KLF12: variants seen among roughly 807,000 people sequenced by gnomAD.
KLF12 encodes KLF transcription factor 12, also known as Krueppel-like factor 12.
KLF12 carries 9 observed loss-of-function variants against 37.8 expected under a neutral mutation model. That is an observed-to-expected ratio of 0.24 (90% CI 0.14 to 0.42). The LOEUF is 0.42. Among genes scored for constraint, KLF12 ranks in the 10% least tolerant of loss-of-function variants. The probability of loss-of-function intolerance (pLI) is 1.00; values close to 1 mark genes in which losing one functional copy is unlikely to be tolerated. For synonymous variants in KLF12, 208 were observed against 202.1 expected (o/e 1.03, Z -0.25); for missense variants, 411 against 516.0 (o/e 0.80, Z 1.97).
intron 2 of KLF12, among the ~76,000 whole-genome samples, chr13:73,982,781 A>G (rs1201840359): frequency 2.0e-5 from 3 of 152,156 alleles, no homozygotes; most frequent in Non-Finnish European, 2.9e-5. Context: ...TTTTTCTCAT[A>G]GTTAAGTCCT....
intron 4 of KLF12, among the ~76,000 whole-genome samples, chr13:73,816,352 T>C (rs183831739): frequency 2.0e-3 from 303 of 152,314 alleles, no homozygotes; most frequent in African/African-American, 5.6e-3. Flanking sequence ...GAACAGGAGA[T>C]GATCTATAAA....
intron 1 of KLF12, among the ~76,000 whole-genome samples, chr13:74,127,751 T>A (rs994279084): frequency 6.6e-6 from 1 of 152,242 alleles, no homozygotes; most frequent in African/African-American, 2.4e-5. Flanking sequence ...ATCCTCATTA[T>A]CTACCTTTAT....
chr13:74,100,071 A>G (rs1876236700), intron 1 of KLF12, among the ~76,000 whole-genome samples: 1 of 152,130 alleles, frequency 6.6e-6, no homozygotes, highest in South Asian at 2.1e-4. Flanking sequence ...GCATGGAGGC[A>G]CGCTGGCAGC....
intron 1 of KLF12, among the ~76,000 whole-genome samples, chr13:74,065,820 G>C (rs558911802): frequency 1.6e-4 from 24 of 152,022 alleles, no homozygotes; most frequent in African/African-American, 5.5e-4. Context: ...GGCTCTGAAC[G>C]ATCTCTCTAG....
chr13:73,718,761 G>C (rs909879731), intron 6 of KLF12, among the ~76,000 whole-genome samples: 1 of 152,184 alleles, frequency 6.6e-6, no homozygotes, highest in Admixed American at 6.5e-5. Flanking sequence ...GGGCGTGGTG[G>C]CATGTGCCTG....
intron 3 of KLF12, among the ~76,000 whole-genome samples, chr13:73,928,740 A>T (rs1179418508): frequency 2.0e-5 from 3 of 152,202 alleles, no homozygotes; most frequent in Non-Finnish European, 4.4e-5. Context: ...GCCACTTTGT[A>T]TCACAAAAAA....
chr13:73,806,969 C>T (rs1158569858), intron 5 of KLF12, among the ~76,000 whole-genome samples: 1 of 151,908 alleles, frequency 6.6e-6, no homozygotes, highest in South Asian at 2.1e-4. Context: ...AAAAAAAAAC[C>T]CTTAGATTCT....
chr13:74,157,714 G>C, the KLF12 span, among the ~76,000 whole-genome samples: 1 of 152,356 alleles, frequency 6.6e-6, no homozygotes, highest in East Asian at 1.9e-4. Context: ...AAATGCTGAA[G>C]AGAGAATGTT....
At chr13:73,851,641 C>A (rs1269402746) in intron 3 of KLF12, among the ~76,000 whole-genome samples, 1 of 152,108 alleles carries the variant, frequency 6.6e-6, no homozygotes, top group Admixed American at 6.5e-5. Context: ...CATTCTTTAG[C>A]AGTCTTATTA....
chr13:74,022,681 A>T (rs1301226826), intron 1 of KLF12, among the ~76,000 whole-genome samples: 3 of 152,024 alleles, frequency 2.0e-5, no homozygotes, highest in Non-Finnish European at 4.4e-5. Flanking sequence ...AAAAAAAAAA[A>T]AAATTGACCC....
the KLF12 span, among the ~76,000 whole-genome samples, chr13:74,183,563 T>C: frequency 5.3e-5 from 8 of 152,096 alleles, no homozygotes; most frequent in Non-Finnish European, 8.8e-5. Flanking sequence ...TACCAAATTA[T>C]ACACCAATTC....
At chr13:73,891,335 T>G (rs1442147362) in intron 3 of KLF12, among the ~76,000 whole-genome samples, 1 of 152,142 alleles carries the variant, frequency 6.6e-6, no homozygotes, top group African/African-American at 2.4e-5. Context: ...ACCATTGCTA[T>G]GCAGATAAAA....
chr13:73,852,071 C>A (rs780843023), intron 3 of KLF12, among the ~76,000 whole-genome samples: 2 of 152,216 alleles, frequency 1.3e-5, no homozygotes, highest in African/African-American at 4.8e-5. Flanking sequence ...AGTCACCACA[C>A]ATCCATTTGT....
chr13:73,871,827 C>G (rs1005548781), intron 3 of KLF12, among the ~76,000 whole-genome samples: 1 of 151,378 alleles, frequency 6.6e-6, no homozygotes, highest in African/African-American at 2.4e-5. Context: ...TTCCACTTCC[C>G]ATGCTGTATT....
intron 1 of KLF12, among the ~76,000 whole-genome samples, chr13:74,133,001 C>A (rs1878346630): frequency 6.6e-6 from 1 of 152,148 alleles, no homozygotes; most frequent in Admixed American, 6.5e-5. Context: ...TCTGCGGGTT[C>A]CCGGCCCGGG....
At chr13:74,267,027 AGAT>A in the KLF12 span, among the ~76,000 whole-genome samples, 1 of 152,184 alleles carries the variant, frequency 6.6e-6, no homozygotes, top group Non-Finnish European at 1.5e-5. Flanking sequence ...GGTTCAGGAT[AGAT>A]GATAACTCAC....
chr13:73,780,433 A>G (rs1480612317), intron 5 of KLF12, among the ~76,000 whole-genome samples: 1 of 149,462 alleles, frequency 6.7e-6, no homozygotes, highest in African/African-American at 2.5e-5. Context: ...TATCATTCTT[A>G]TGCCTTTGCA....
chr13:73,871,233 G>A (rs534021056), intron 3 of KLF12, among the ~76,000 whole-genome samples: 12 of 152,238 alleles, frequency 7.9e-5, no homozygotes, highest in African/African-American at 2.6e-4. Context: ...TGTAGTACTC[G>A]CAACAGCAGC....
intron 1 of KLF12, among the ~76,000 whole-genome samples, chr13:74,010,632 A>G (rs1311594300): frequency 6.6e-6 from 1 of 152,110 alleles, no homozygotes; most frequent in Non-Finnish European, 1.5e-5. Context: ...ATTTTTTCTT[A>G]TTTATAAGTA....
Sources: gnomAD v4.1 joint callset for allele counts (sites outside exome capture counted in the v4.1 genomes callset) on GRCh38, gnomAD v4.1.1 for gene constraint, MANE v1.5 for transcripts, NCBI Gene and HGNC (gene_info 2026-07-23, HGNC 2026-07-21) for gene names.